Variants in GRIN2A observed in about 807,000 individuals in gnomAD.
GRIN2A encodes the protein glutamate receptor ionotropic, NMDA 2A.
Under a neutral mutation model 113.4 loss-of-function variants are expected in GRIN2A, and 22 were observed. The observed-to-expected ratio is 0.19, with a 90% CI of 0.14 to 0.28. The LOEUF is 0.28. GRIN2A is among the 10% of genes least tolerant of loss of function. GRIN2A has a pLI of 1.00. For missense variants in GRIN2A, 1,502 were observed against 1,887.0 expected (o/e 0.80, Z 3.78); for synonymous variants, 827 against 738.4 (o/e 1.12, Z -1.94).
At chr16:9,792,639 T>G (rs1902683632) in intron 11 of GRIN2A, among the ~76,000 whole-genome samples, 1 of 151,950 alleles carries the variant, frequency 6.6e-6, no homozygotes, top group Non-Finnish European at 1.5e-5. Context: ...TACATAATTT[T>G]TAACATACAT....
intron 2 of GRIN2A, among the ~76,000 whole-genome samples, chr16:10,169,260 T>C (rs1265503091): frequency 3.3e-5 from 5 of 152,200 alleles, no homozygotes; most frequent in African/African-American, 1.2e-4. Flanking sequence ...TCTTTAGATA[T>C]CACTCCTCGG....
chr16:9,813,442 G>A (rs1314651360), intron 10 of GRIN2A, among the ~76,000 whole-genome samples: 7 of 151,548 alleles, frequency 4.6e-5, no homozygotes, highest in Non-Finnish European at 1.0e-4. Context: ...GTAAAAAGAT[G>A]TAAAGTCCAT....
chr16:9,972,712 G>A (rs2045696685), intron 2 of GRIN2A, among the ~76,000 whole-genome samples: 1 of 152,114 alleles, frequency 6.6e-6, no homozygotes, highest in Admixed American at 6.5e-5. Flanking sequence ...TTAAGCAGAG[G>A]GGCTTTTATA....
chr16:9,948,790 G>A (rs78326410), intron 2 of GRIN2A, among the ~76,000 whole-genome samples: 2 of 152,350 alleles, frequency 1.3e-5, no homozygotes, highest in African/African-American at 4.8e-5. Flanking sequence ...AGAGAGAGAA[G>A]GAAGCACCGG....
At chr16:9,870,929 C>T (rs1378110320) in intron 4 of GRIN2A, among the ~76,000 whole-genome samples, 8 of 152,264 alleles carry the variant, frequency 5.3e-5, no homozygotes, top group East Asian at 3.9e-4. Flanking sequence ...TGAGCCACCA[C>T]GCCTGGCTCA....
chr16:9,761,726 AT>A lies in GRIN2A; in HGVS notation c.*1422del. 4.5e-6 allele frequency: 1 copy of A among 220,574 alleles called. No individual in the cohort carries two copies. The highest frequency in any genetic ancestry group is 2.2e-5 in the African/African-American group (1 of 44,778). The allele number at this position is 220,574 out of a possible 1,614,324, so 13.7% of individuals were successfully genotyped here. A position where few individuals can be genotyped will look rare whatever the true frequency, so the allele number is the denominator to read the frequency against. On this transcript the variant is annotated 3_prime_UTR_variant, in exon 13 of 13. Transcript: ENST00000330684. ...TCTCTGTCTCTAACTTAAAAAAAAA[AT>A]GGATATCATTTCATGTCATATATGC...
chr16:10,131,871 G>C (rs1456489849), intron 2 of GRIN2A, among the ~76,000 whole-genome samples: 2 of 152,070 alleles, frequency 1.3e-5, no homozygotes, highest in Non-Finnish European at 2.9e-5. Context: ...TTATTAGCAT[G>C]TTATTATTGT....
intron 4 of GRIN2A, among the ~76,000 whole-genome samples, chr16:9,861,439 C>T (rs1332391997): frequency 2.0e-5 from 3 of 151,612 alleles, no homozygotes; most frequent in East Asian, 1.9e-4. Flanking sequence ...ACTTCCATGC[C>T]GCTGAATGCA....
At chr16:9,789,654 G>A (rs1902482816) in intron 11 of GRIN2A, among the ~76,000 whole-genome samples, 2 of 152,140 alleles carry the variant, frequency 1.3e-5, no homozygotes, top group Admixed American at 1.3e-4. Context: ...GCAGCAGCAA[G>A]TTTAGCAAAG....
At chr16:9,893,136 T>C (rs11640274) in intron 3 of GRIN2A, among the ~76,000 whole-genome samples, 35,204 of 152,002 alleles carry the variant, frequency 0.23, 4,252 homozygotes, top group African/African-American at 0.27. Flanking sequence ...GCAAATATTG[T>C]GTATTTATTC....
At chr16:9,875,465 A>G (rs1359124514) in intron 4 of GRIN2A, among the ~76,000 whole-genome samples, 1 of 152,226 alleles carries the variant, frequency 6.6e-6, no homozygotes, top group East Asian at 1.9e-4. Flanking sequence ...CTGTAGCTAC[A>G]GAGGCAGGCT....
intron 2 of GRIN2A, among the ~76,000 whole-genome samples, chr16:10,152,476 T>C (rs538905606): frequency 1.3e-5 from 2 of 152,294 alleles, no homozygotes; most frequent in South Asian, 2.1e-4. Flanking sequence ...AGCTCCACTA[T>C]TGAAATTCTA....
At chr16:9,952,960 G>A (rs1467032910) in intron 2 of GRIN2A, among the ~76,000 whole-genome samples, 2 of 152,168 alleles carry the variant, frequency 1.3e-5, no homozygotes, top group Non-Finnish European at 2.9e-5. Context: ...TTCTGGGGTT[G>A]ACGAGAAGAA....
chr16:9,842,563 ACACAGTAGTACAAACAGAATAAT>A (rs2042699184), intron 5 of GRIN2A, among the ~76,000 whole-genome samples: 1 of 152,236 alleles, frequency 6.6e-6, no homozygotes, highest in African/African-American at 2.4e-5. Flanking sequence ...AAAGTAGGTT[ACACAGTAGTACAAACAGAATAAT>A]CACAGCTATA....
At chr16:10,034,254 G>A (rs2046982608) in intron 2 of GRIN2A, among the ~76,000 whole-genome samples, 1 of 152,066 alleles carries the variant, frequency 6.6e-6, no homozygotes, top group Non-Finnish European at 1.5e-5. Context: ...GCCGGGCATG[G>A]TGGCTCATGC....
At chr16:9,876,126 C>T (rs954555704) in intron 4 of GRIN2A, among the ~76,000 whole-genome samples, 2 of 152,104 alleles carry the variant, frequency 1.3e-5, no homozygotes, top group Non-Finnish European at 1.5e-5. Context: ...AATCTAAGCC[C>T]AGGGCATAAA....
intron 10 of GRIN2A, among the ~76,000 whole-genome samples, chr16:9,800,397 T>C (rs1177764265): frequency 6.6e-6 from 1 of 152,176 alleles, no homozygotes; most frequent in African/African-American, 2.4e-5. Flanking sequence ...AAATCGGAGA[T>C]GACTCAACTT....
chr16:9,859,192 A>G (rs2043019504), intron 4 of GRIN2A, among the ~76,000 whole-genome samples: 1 of 151,670 alleles, frequency 6.6e-6, no homozygotes, highest in Non-Finnish European at 1.5e-5. Flanking sequence ...TCGTCACACT[A>G]ACACACACAC....
chr16:9,953,826 T>C (rs1307697498), intron 2 of GRIN2A, among the ~76,000 whole-genome samples: 4 of 152,192 alleles, frequency 2.6e-5, no homozygotes, highest in Non-Finnish European at 4.4e-5. Context: ...GATGTTCACC[T>C]GGGACTTTAA....
Sources: gnomAD v4.1 joint callset for allele counts (sites outside exome capture counted in the v4.1 genomes callset) on GRCh38, gnomAD v4.1.1 for gene constraint, MANE v1.5 for transcripts, NCBI Gene and HGNC (gene_info 2026-07-23, HGNC 2026-07-21) for gene names.